The following RSRP1 variants were observed in gnomAD, a reference collection of about 807,000 sequenced individuals.
RSRP1 encodes the protein arginine and serine rich protein 1.
In RSRP1, 37 loss-of-function variants were observed where a neutral mutation model predicts 33.0. The observed-to-expected ratio is 1.12, with a 90% CI of 0.86 to 1.48. The LOEUF (loss-of-function observed/expected upper bound fraction) is 1.48. RSRP1 is among the 40% of genes most tolerant of loss of function. The pLI, the probability that RSRP1 is intolerant of heterozygous loss-of-function variation, is 0.00. For synonymous variants in RSRP1, 167 were observed against 158.7 expected, an observed-to-expected ratio of 1.05 and a Z score of -0.40; for missense variants, 402 against 385.3, an observed-to-expected ratio of 1.04 and a Z score of -0.36.
upstream of RSRP1, among the ~76,000 whole-genome samples, chr1:25,250,251 A>G (rs1413068470): frequency 1.3e-5 from 2 of 152,230 alleles, no homozygotes; most frequent in Non-Finnish European, 2.9e-5. Flanking sequence ...CACCGAGCAC[A>G]TTCCCAGGAG....
chr1:25,259,415 A>G (rs1557498437), intron 1 of RSRP1, among the ~76,000 whole-genome samples: 1 of 151,804 alleles, frequency 6.6e-6, no homozygotes, highest in Non-Finnish European at 1.5e-5. Context: ...TTAACAGTTA[A>G]CAGTGTGCTC....
Position 25,322,400 on chromosome 1 carries a change from C to T in RSRP1, c.-67+15578G>A, listed in dbSNP as rs1423264210. On this transcript the variant is annotated intron_variant, in intron 1 of 1. Transcript: ENST00000561867. The stretch of plus-strand genomic sequence containing the variant: ...TCAAGATCTTACAACTGGCTGGGCA[C>T]GGTGGCTCACGCCTGTGATCCCAGC... 1.3e-4 allele frequency among the ~76,000 whole-genome samples: 17 copies of T among 133,064 alleles called. 5 individuals carry two copies. Among genetic ancestry groups the T allele is most frequent in the African/African-American group, 2.8e-4 (11 of 39,042 alleles). The allele number at this position is 133,064 out of a possible 152,430, so 87.3% of individuals were successfully genotyped here.
At chr1:25,324,719 T>C (rs1644879228) in intron 1 of RSRP1, among the ~76,000 whole-genome samples, 1 of 149,488 alleles carries the variant, frequency 6.7e-6, no homozygotes, top group Non-Finnish European at 1.5e-5. Flanking sequence ...CCACATTACC[T>C]GATTTTATCC....
At chr1:25,311,009 T>C (rs1644116846) in intron 1 of RSRP1, among the ~76,000 whole-genome samples, 1 of 128,044 alleles carries the variant, frequency 7.8e-6, no homozygotes, top group Admixed American at 7.6e-5. Context: ...GAATGGAGCA[T>C]TAAAGACAGT....
At chr1:25,320,059 C>T (rs1472304084) in intron 1 of RSRP1, among the ~76,000 whole-genome samples, 2 of 131,050 alleles carry the variant, frequency 1.5e-5, no homozygotes, top group East Asian at 2.0e-4. Context: ...CCACCACACC[C>T]GGCTAATTTT....
At chr1:25,249,505 A>AT (rs1175400130), upstream of RSRP1, among the ~76,000 whole-genome samples, 2 of 151,818 alleles carry the variant, frequency 1.3e-5, no homozygotes, top group South Asian at 2.1e-4. Flanking sequence ...TGCCCAGCTA[A>AT]TTTTTTTTGT....
upstream of RSRP1, among the ~76,000 whole-genome samples, chr1:25,250,007 G>C (rs572628573): frequency 1.4e-4 from 22 of 152,282 alleles, no homozygotes; most frequent in Admixed American, 1.2e-3. Context: ...CCGGCAACCG[G>C]GAGACAGCTA....
At position 25,246,657 on chromosome 1, in the gene RSRP1, T is replaced by C. The variant is rs754611043; in HGVS notation, c.307A>G (p.Arg103Gly). The C allele has an allele frequency of 6.2e-7, 1 of 1,613,742 alleles. No homozygotes were observed. Among genetic ancestry groups the C allele is most frequent in the Non-Finnish European group, 8.5e-7 (1 of 1,179,884 alleles). ...TACCGCGAAGGAGACCGGTAGTATC[T>C]CCTGGTGAACCCGTAGCGCCTCTCT... ...YRERRYGFTRRYYRSPSRYRS... is the reference protein window; with the variant it reads ...YRERRYGFTRGYYRSPSRYRS... Residue 103 changes from arginine to glycine, a missense_variant, in exon 2 of 5, where the codon AGA (arginine) becomes GGA (glycine). By Grantham distance (125) the Arg-to-Gly change is moderately radical. Coordinates refer to ENST00000243189, the MANE Select transcript of RSRP1 (RefSeq NM_020317.5).
chr1:25,244,894 G>A (rs939470848), intron 3 of RSRP1: 15 of 1,287,046 alleles, frequency 1.2e-5, no homozygotes, highest in African/African-American at 1.1e-4. Context: ...ACATTGCCCA[G>A]GCTAGTCTTG....
chr1:25,272,374 G>C (rs1433384208), intron 1 of RSRP1: 1 of 875,712 alleles, frequency 1.1e-6, no homozygotes, highest in Non-Finnish European at 1.8e-6. Context: ...CCCCATCATA[G>C]TCCCTCTGCT....
chr1:25,256,638 A>AT (rs368823814), intron 1 of RSRP1, among the ~76,000 whole-genome samples: 112 of 151,552 alleles, frequency 7.4e-4, no homozygotes, highest in Middle Eastern at 3.4e-3. Flanking sequence ...TTTTTTTTGT[A>AT]TTTTTTTGTA....
At position 25,332,971 on chromosome 1, in the gene RSRP1, G is replaced by A. The variant is rs1375076480; in HGVS notation, c.-67+5007C>T. Among the ~76,000 whole-genome samples, 2 of 131,628 alleles carry A rather than the reference G, an allele frequency of 1.5e-5. 1 individual carries two copies. Among genetic ancestry groups the A allele is most frequent in the Non-Finnish European group, 3.6e-5 (2 of 55,742 alleles). The allele number at this position is 131,628 out of a possible 152,430, so 86.4% of individuals were successfully genotyped here. On this transcript the variant is annotated intron_variant, in intron 1 of 1. Transcript: ENST00000561867. ...CCAAGTCCCAAAGTCTCAGAATCAGGAAAGCTGATGATATAATTCTTAGCC... is the reference window on the plus strand; with the variant it reads ...CCAAGTCCCAAAGTCTCAGAATCAGAAAAGCTGATGATATAATTCTTAGCC...
At chr1:25,307,567 C>A in intron 1 of RSRP1, 1 of 623,096 alleles carries the variant, frequency 1.6e-6, no homozygotes, top group Non-Finnish European at 2.9e-6. Context: ...TATGCATTAT[C>A]TCCTTGAATT....
At chr1:25,263,238 C>T (rs1256245929) in intron 1 of RSRP1, among the ~76,000 whole-genome samples, 1 of 151,662 alleles carries the variant, frequency 6.6e-6, no homozygotes, top group Non-Finnish European at 1.5e-5. Context: ...AGTGATCTAA[C>T]TCCTGAGGAG....
intron 1 of RSRP1, among the ~76,000 whole-genome samples, chr1:25,270,341 T>C (rs1640453909): frequency 7.7e-6 from 1 of 129,862 alleles, no homozygotes; most frequent in Admixed American, 7.4e-5. Flanking sequence ...TGTGGCCCGT[T>C]AGGAACCTGA....
rs749634133 is a variant in RSRP1, at chr1:25,246,733, G to C, written c.231C>G (p.Tyr77Ter). Residue 77 changes from tyrosine (Y) to a stop codon, truncating the protein, a stop_gained, in exon 2 of 5, where the codon TAC (tyrosine) becomes TAG (stop). Transcript: ENST00000243189. LOFTEE classifies it high-confidence loss of function. ...ACCGGCTCCGCGAGTATGACCGCGA[G>C]TAGCGCCTGTACTTCCGCTGGTGGC... is the stretch of plus-strand genomic sequence containing the variant. Reference protein sequence around the residue: ...RRRHQRKYRRYSRSYSRSRSR... With the variant: ...RRRHQRKYRR 1.9e-6 allele frequency: 3 copies of C among 1,607,942 alleles called. No individual in the cohort carries two copies. In the East Asian group the frequency reaches 6.7e-5, roughly 36 times the overall value.
At chr1:25,297,140 G>A (rs28786680) in intron 1 of RSRP1, among the ~76,000 whole-genome samples, 101,521 of 102,096 alleles carry the variant, frequency 0.99, 50,584 homozygotes, top group Middle Eastern at 1. Context: ...TCAATCTGGA[G>A]CAGTTTCTTC....
At chr1:25,311,922 C>T (rs544384440) in intron 1 of RSRP1, among the ~76,000 whole-genome samples, 1 of 131,046 alleles carries the variant, frequency 7.6e-6, no homozygotes, top group South Asian at 2.3e-4. Flanking sequence ...ACAGCCACCC[C>T]AGAGAGCCCC....
chr1:25,282,564 G>T (rs1247255787), intron 1 of RSRP1, among the ~76,000 whole-genome samples: 1 of 132,410 alleles, frequency 7.6e-6, no homozygotes, highest in East Asian at 1.9e-4. Flanking sequence ...AATAGGAAAT[G>T]ATAGAGCTGG....
Sources: allele counts gnomAD v4.1 joint callset (sites outside exome capture counted in the v4.1 genomes callset), GRCh38; gene constraint gnomAD v4.1.1; transcripts MANE v1.5; gene names NCBI Gene and HGNC (gene_info 2026-07-23, HGNC 2026-07-21).